The following ZNF823 variants were observed in gnomAD, a reference collection of about 807,000 sequenced individuals.
ZNF823 encodes zinc finger protein 823.
A neutral mutation model predicts 11.4 loss-of-function variants in ZNF823; 5 were observed. The observed-to-expected ratio is 0.44, with a 90% CI of 0.23 to 0.92. The LOEUF (loss-of-function observed/expected upper bound fraction) is 0.92. Among genes scored for constraint, ZNF823 ranks in the 40% least tolerant of loss-of-function variants. ZNF823 has a pLI of 0.24. For missense variants in ZNF823, 582 were observed against 738.5 expected, an observed-to-expected ratio of 0.79 and a Z score of 2.46; for synonymous variants, 234 against 250.5, an observed-to-expected ratio of 0.93 and a Z score of 0.62.
At chr19:11,725,439 G>T in intron 1 of ZNF823, 112 bp from the exon 2 acceptor site, 1 of 1,468,554 alleles carries the variant, frequency 6.8e-7, no homozygotes, top group Non-Finnish European at 9.3e-7. Context: ...TTTATTCGAT[G>T]ACATAGTAAA....
At chr19:11,725,462 T>C in intron 1 of ZNF823, 135 bp from the exon 2 acceptor site, 1 of 1,254,400 alleles carries the variant, frequency 8.0e-7, no homozygotes, top group Non-Finnish European at 1.1e-6. Flanking sequence ...CACTCTTATT[T>C]TGTCTACACT....
rs1456656213 is a variant in ZNF823, at chr19:11,725,266, C to A, written c.65G>T (p.Gly22Val). 6.2e-7 allele frequency: 1 copy of A among 1,613,952 alleles called. No homozygotes were observed. Among genetic ancestry groups the A allele is most frequent in the African/African-American group, 1.3e-5 (1 of 74,908 alleles). Residue 22 changes from glycine to valine, a missense_variant, in exon 2 of 4, where the codon GGT (glycine) becomes GTT (valine). By Grantham distance (109) the Gly-to-Val change is moderately radical. Coordinates refer to ENST00000341191, the MANE Select transcript of ZNF823 (RefSeq NM_001080493.4). ...TCTGTAGAGACTCTTCTGTGATGGA[C>A]CCAGCAAAGCCCACTCCTCTTGTGT... Reference protein sequence around the residue: ...NFTQEEWALLGPSQKSLYRNV... With the variant: ...NFTQEEWALLVPSQKSLYRNV...
rs760000070 is a variant in ZNF823, at chr19:11,722,422, T to A, written c.1112A>T (p.His371Leu). 1 of 1,612,306 alleles carries A rather than the reference T, an allele frequency of 6.2e-7. No individual in the cohort carries two copies. Among genetic ancestry groups the A allele is most frequent in the East Asian group, 2.2e-5 (1 of 44,836 alleles). The change falls in exon 4 of 4, where the codon CAT becomes CTT. Residue 371 changes from histidine (H) to leucine (L), a missense_variant. This residue lies in a region of ZNF823 where 429 missense variants were observed against 553.7 expected (regional missense o/e 0.77). Coordinates refer to ENST00000341191, the MANE Select transcript of ZNF823 (RefSeq NM_001080493.4). The surrounding 1 kb of genome is among the most constrained non-coding windows in gnomAD (Gnocchi z 5.2). ...ECKQCGKVLS[H>L]SSSFRSHMIT... ...CATGTGACTTCGAAAGCTCGAGCTA[T>A]GAGATAACACTTTCCCACACTGCTT...
Position 11,722,751 on chromosome 19 carries a change from A to C in ZNF823, c.783T>G (p.Ser261Arg). The change falls in exon 4 of 4, where the codon AGT becomes AGG. Residue 261 changes from serine to arginine, a missense_variant. Ser to Arg is a moderately radical substitution (Grantham distance 110). Coordinates refer to ENST00000341191, the MANE Select transcript of ZNF823 (RefSeq NM_001080493.4). This position sits in a 1 kb window ranked among gnomAD's most constrained non-coding sequence, Gnocchi z 5.2. ...KQCSKAFPDY[S>R]TYLRHERTHT... ...GAGTTCTCTCATGTCTTAGATAGGT[A>C]CTGTAATCAGGAAAGGCTTTGGAAC... 6.2e-7 allele frequency: 1 copy of C among 1,614,064 alleles called. No homozygotes were observed. Among genetic ancestry groups the C allele is most frequent in the Non-Finnish European group, 8.5e-7 (1 of 1,180,006 alleles).
chr19:11,737,709 C>T (rs926917886), intron 1 of ZNF823, among the ~76,000 whole-genome samples: 4 of 152,030 alleles, frequency 2.6e-5, no homozygotes, highest in African/African-American at 9.7e-5. Flanking sequence ...AAAATAATGC[C>T]TCTGTTTGAA....
At chr19:11,730,018 G>A (rs1247933118) in intron 1 of ZNF823, among the ~76,000 whole-genome samples, 16 of 150,758 alleles carry the variant, frequency 1.1e-4, no homozygotes, top group Admixed American at 6.6e-5. Flanking sequence ...AACCTCTGTC[G>A]CCTGGGTTCA....
Position 11,723,355 on chromosome 19 carries a change from A to C in ZNF823, c.192-13T>G. The C allele has an allele frequency of 3.8e-6, 6 of 1,565,116 alleles. No individual in the cohort carries two copies. Among genetic ancestry groups the C allele is most frequent in the Non-Finnish European group, 4.3e-6 (5 of 1,155,958 alleles). On this transcript the variant is annotated splice_polypyrimidine_tract_variant and intron_variant, in intron 3 of 3. Coordinates refer to ENST00000341191, the MANE Select transcript of ZNF823 (RefSeq NM_001080493.4). ...ACATGTATGACTTCTGTAACAAATA[A>C]GAAATATATTACTAAAGGTTTGTTT...
In ZNF823 at chr19:11,721,924, G is replaced by C. The variant is rs778279489; in HGVS notation, c.1610C>G (p.Ser537Cys). The C allele has an allele frequency of 2.5e-6, 4 of 1,613,686 alleles. No individual in the cohort carries two copies. The highest frequency in any genetic ancestry group is 1.7e-4 in the Middle Eastern group (1 of 6,054). ...ATGTCGTAGAAGGCAAGTGAGCCAA[G>C]AGAATGCTTTTCCACATTCCTTACA... The part of the protein sequence containing the change: ...YECKECGKAF[S>C]WLTCLLRHER... The change falls in exon 4 of 4, where the codon TCT becomes TGT. Residue 537 changes from serine (S) to cysteine (C), a missense_variant. Coordinates refer to ENST00000341191, the MANE Select transcript of ZNF823 (RefSeq NM_001080493.4).
chr19:11,733,302 G>A (rs1199820827), intron 1 of ZNF823, among the ~76,000 whole-genome samples: 6 of 151,314 alleles, frequency 4.0e-5, no homozygotes, highest in Non-Finnish European at 8.8e-5. Context: ...AGGAGTCGGA[G>A]GTTGCAGCGA....
intron 3 of ZNF823, among the ~76,000 whole-genome samples, chr19:11,723,697 C>T (rs2145204591): frequency 6.6e-6 from 1 of 152,326 alleles, no homozygotes; most frequent in Non-Finnish European, 1.5e-5. Context: ...AGGCATGCGC[C>T]ACCACGCCCT....
At position 11,722,995 on chromosome 19, in the gene ZNF823, C is replaced by A; in HGVS notation, c.539G>T (p.Arg180Leu). The A allele has an allele frequency of 6.2e-7, 1 of 1,614,212 alleles. No homozygotes were observed. The highest frequency in any genetic ancestry group is 8.5e-7 in the Non-Finnish European group (1 of 1,180,054). ...AKTFSSLGNL[R>L]RHMAAHHGDG... The stretch of plus-strand genomic sequence containing the variant: ...TCCATGGTGTGCCGCCATGTGTCTT[C>A]GGAGGTTTCCAAGAGAACTAAAGGT... Residue 180 changes from arginine to leucine, a missense_variant, in exon 4 of 4, where the codon CGA (arginine) becomes CTA (leucine). Arg to Leu is a moderately radical substitution (Grantham distance 102). Coordinates refer to ENST00000341191, the MANE Select transcript of ZNF823 (RefSeq NM_001080493.4). The surrounding 1 kb of genome is among the most constrained non-coding windows in gnomAD (Gnocchi z 5.2).
chr19:11,738,539 G>A (rs1975037838), intron 1 of ZNF823, among the ~76,000 whole-genome samples: 1 of 152,232 alleles, frequency 6.6e-6, no homozygotes, highest in Non-Finnish European at 1.5e-5. Context: ...GCACAATCTG[G>A]GGAGACGCGG....
At chr19:11,730,296 A>G (rs1211803331) in intron 1 of ZNF823, among the ~76,000 whole-genome samples, 1 of 152,138 alleles carries the variant, frequency 6.6e-6, no homozygotes, top group Non-Finnish European at 1.5e-5. Context: ...CTGAAAATTA[A>G]GAAGAAGAGT....
intron 1 of ZNF823, chr19:11,730,621 A>G (rs1974875733): frequency 6.6e-6 from 1 of 152,176 alleles, no homozygotes; most frequent in Non-Finnish European, 1.5e-5. Flanking sequence ...AAATTATTTC[A>G]CAGTAGATGA....
chr19:11,736,382 G>A (rs1009044971), intron 1 of ZNF823, among the ~76,000 whole-genome samples: 2 of 152,094 alleles, frequency 1.3e-5, no homozygotes, highest in Non-Finnish European at 2.9e-5. Flanking sequence ...AGCTGGGCAT[G>A]GTAGCATACG....
intron 3 of ZNF823, among the ~76,000 whole-genome samples, chr19:11,723,931 G>A (rs924350701): frequency 1.4e-4 from 22 of 151,980 alleles, no homozygotes; most frequent in African/African-American, 5.3e-4. Context: ...TGTTCCTCGG[G>A]AAAATTTTTT....
intron 2 of ZNF823, 108 bp from the exon 3 acceptor site, chr19:11,724,362 T>C (rs1166667309): frequency 1.0e-6 from 1 of 958,150 alleles, no homozygotes; most frequent in Non-Finnish European, 1.5e-6. Context: ...CCAAAGTACA[T>C]GTGACTCTTC....
intron 1 of ZNF823, among the ~76,000 whole-genome samples, chr19:11,736,775 A>C (rs559703773): frequency 6.6e-6 from 1 of 152,320 alleles, no homozygotes; most frequent in South Asian, 2.1e-4. Context: ...AGGTCCTCTT[A>C]TCACTTGGGA....
Position 11,722,832 on chromosome 19 carries a change from G to A in ZNF823, c.702C>T (p.Ser234=). 6.2e-7 allele frequency: 1 copy of A among 1,613,948 alleles called. No homozygotes were observed. Among genetic ancestry groups the A allele is most frequent in the Admixed American group, 1.7e-5 (1 of 59,996 alleles). Residue 234 remains serine, a synonymous_variant, in exon 4 of 4, where the codon TCC becomes TCT. Transcript: ENST00000341191. This position sits in a 1 kb window ranked among gnomAD's most constrained non-coding sequence, Gnocchi z 5.2. The stretch of plus-strand genomic sequence containing the variant: ...TGTGGATTCTTTCATGTCTTAGATA[G>A]GAACTGTAAAAAGGAAAGGCTTTAG... ...QCSKAFPFYS[S]YLRHERIHTG...
Sources: allele counts gnomAD v4.1 joint callset (sites outside exome capture counted in the v4.1 genomes callset), GRCh38; gene constraint gnomAD v4.1.1; regional missense constraint gnomAD v4.1.1; non-coding constraint Gnocchi (gnomAD v3.1); transcripts MANE v1.5; gene names NCBI Gene and HGNC (gene_info 2026-07-23, HGNC 2026-07-21).